The following ABCG2 variants were observed in gnomAD, a reference collection of about 807,000 sequenced individuals.
ABCG2 encodes the protein broad substrate specificity ATP-binding cassette transporter ABCG2.
ABCG2 carries 80 observed loss-of-function variants against 73.5 expected under a neutral mutation model. The observed-to-expected ratio is 1.09, with a 90% CI of 0.91 to 1.31. The LOEUF is 1.31. Ranked by LOEUF, ABCG2 falls within the 50% of genes most tolerant of loss-of-function variation. ABCG2 has a pLI of 0.00. For synonymous variants in ABCG2, 269 were observed against 282.4 expected (o/e 0.95, Z 0.48); for missense variants, 796 against 786.2 (o/e 1.01, Z -0.15).
intron 4 of ABCG2, 57 bp downstream of exon 4, chr4:88,131,746 A>G: frequency 7.8e-7 from 1 of 1,274,888 alleles, no homozygotes. Context: ...TATCAGCCAA[A>G]GCACTTACCC....
At chr4:88,122,287 A>G (rs375752288) in intron 5 of ABCG2, among the ~76,000 whole-genome samples, 3 of 151,816 alleles carry the variant, frequency 2.0e-5, no homozygotes, top group Non-Finnish European at 4.4e-5. Flanking sequence ...TTCATACCCC[A>G]GTGGTGCCTG....
intron 1 of ABCG2, among the ~76,000 whole-genome samples, chr4:88,154,641 T>C (rs1427009911): frequency 4.5e-4 from 68 of 152,042 alleles, no homozygotes; most frequent in Non-Finnish European, 4.4e-5. Flanking sequence ...ATGGGGTGAA[T>C]GCCCGGTGGA....
At chr4:88,112,078 C>A (rs1190145222) in intron 9 of ABCG2, among the ~76,000 whole-genome samples, 2 of 136,510 alleles carry the variant, frequency 1.5e-5, no homozygotes, top group Non-Finnish European at 3.3e-5. Flanking sequence ...AGAGTGAGAC[C>A]CAGTCTCTAA....
chr4:88,122,491 G>A (rs1200827061), intron 5 of ABCG2, among the ~76,000 whole-genome samples: 1 of 152,126 alleles, frequency 6.6e-6, no homozygotes, highest in African/African-American at 2.4e-5. Context: ...GGGGGGAGGG[G>A]CATCCACCAT....
chr4:88,141,727 CA>C (rs1216216284), intron 1 of ABCG2, among the ~76,000 whole-genome samples: 9 of 152,048 alleles, frequency 5.9e-5, no homozygotes, highest in African/African-American at 2.2e-4. Context: ...ATTCACGAAT[CA>C]TAAGTTTAAA....
rs111560373 is a variant in ABCG2 at position 88,177,867 on chromosome 4, C to T, written c.-19-37853G>A. Among the ~76,000 whole-genome samples, 658 of 152,248 alleles carry T rather than the reference C, an allele frequency of 4.3e-3. 7 individuals carry two copies. Among genetic ancestry groups the T allele is most frequent in the African/African-American group, 0.015 (631 of 41,552 alleles). ...GCAGAATCAATGCTGATGAAGACAG[C>T]ATTTAGACCAGAGGTAACCAGAGGG... On this transcript the variant is annotated intron_variant, in intron 1 of 15. Coordinates refer to the ABCG2 transcript ENST00000515655.
intron 1 of ABCG2, among the ~76,000 whole-genome samples, chr4:88,174,256 A>T (rs552453711): frequency 6.6e-6 from 1 of 151,916 alleles, no homozygotes; most frequent in Admixed American, 6.6e-5. Context: ...GGTTCCTATC[A>T]ACCTGTCATC....
intron 10 of ABCG2, among the ~76,000 whole-genome samples, chr4:88,102,557 C>T (rs1372713974): frequency 6.7e-6 from 1 of 149,496 alleles, no homozygotes; most frequent in Non-Finnish European, 1.5e-5. Flanking sequence ...GATCGCGCCA[C>T]TGCACTCCAG....
chr4:88,222,109 C>A (rs959900052), intron 1 of ABCG2, among the ~76,000 whole-genome samples: 5 of 152,206 alleles, frequency 3.3e-5, no homozygotes, highest in Non-Finnish European at 5.9e-5. Flanking sequence ...GCTAAAGGGG[C>A]CAACGTATAG....
intron 1 of ABCG2, among the ~76,000 whole-genome samples, chr4:88,204,524 G>A (rs1311664385): frequency 6.6e-6 from 1 of 152,184 alleles, no homozygotes; most frequent in Non-Finnish European, 1.5e-5. Context: ...TTTGGACATG[G>A]AGAATAACTT....
chr4:88,136,686 A>G (rs1482013760), intron 2 of ABCG2, among the ~76,000 whole-genome samples: 2 of 152,174 alleles, frequency 1.3e-5, no homozygotes, highest in Non-Finnish European at 2.9e-5. Context: ...AGCCTGGGCA[A>G]CAACGTAAGA....
chr4:88,206,854 C>T (rs550009281), intron 1 of ABCG2, among the ~76,000 whole-genome samples: 3 of 152,234 alleles, frequency 2.0e-5, no homozygotes, highest in South Asian at 4.2e-4. Flanking sequence ...AGACACAGAG[C>T]GCTGATTGGT....
intron 1 of ABCG2, among the ~76,000 whole-genome samples, chr4:88,196,437 C>T (rs535640812): frequency 1.3e-5 from 2 of 152,236 alleles, no homozygotes; most frequent in East Asian, 3.9e-4. Flanking sequence ...AACACTGAAT[C>T]AGGGCAATAT....
chr4:88,098,463 C>T (rs45592144), intron 12 of ABCG2, among the ~76,000 whole-genome samples: 36,330 of 151,070 alleles, frequency 0.24, 5,951 homozygotes, highest in Non-Finnish European at 0.35. Flanking sequence ...ATTAACAAGC[C>T]CCAAAAGGCA....
At chr4:88,115,242 C>CTCTCTGTCTCTCTG (rs1421787471) in intron 7 of ABCG2, among the ~76,000 whole-genome samples, 184 bp from the exon 8 acceptor site, 5 of 77,732 alleles carry the variant, frequency 6.4e-5, no homozygotes, top group Non-Finnish European at 1.0e-4. Flanking sequence ...GTCTCTCTCT[C>CTCTCTGTCTCTCTG]TCTCTCTCTC....
At chr4:88,180,763 G>T (rs568956528) in intron 1 of ABCG2, among the ~76,000 whole-genome samples, 1 of 151,772 alleles carries the variant, frequency 6.6e-6, no homozygotes, top group South Asian at 2.1e-4. Context: ...AAAATAAAAG[G>T]TATAATAAAT....
chr4:88,149,463 G>A (rs1294286939), intron 1 of ABCG2, among the ~76,000 whole-genome samples: 1 of 152,156 alleles, frequency 6.6e-6, no homozygotes, highest in African/African-American at 2.4e-5. Flanking sequence ...ATCCATCACA[G>A]AATGTGTGGG....
At chr4:88,190,506 T>C (rs1161798406) in intron 1 of ABCG2, among the ~76,000 whole-genome samples, 1 of 152,226 alleles carries the variant, frequency 6.6e-6, no homozygotes, top group African/African-American at 2.4e-5. Context: ...ATTCCACCAG[T>C]GCACAATTCC....
intron 1 of ABCG2, among the ~76,000 whole-genome samples, chr4:88,219,120 A>C (rs1387891803): frequency 5.9e-5 from 9 of 152,234 alleles, no homozygotes; most frequent in African/African-American, 9.6e-5. Context: ...ATCACGGCTA[A>C]TACTGCTTTG....
Sources: allele counts gnomAD v4.1 joint callset (sites outside exome capture counted in the v4.1 genomes callset), GRCh38; gene constraint gnomAD v4.1.1; transcripts MANE v1.5; gene names NCBI Gene and HGNC (gene_info 2026-07-23, HGNC 2026-07-21).